SPRY3: variants seen among roughly 807,000 people sequenced by gnomAD.
The protein encoded by SPRY3 is protein sprouty homolog 3.
In SPRY3, 15 loss-of-function variants were observed where a neutral mutation model predicts 20.2. That is an observed-to-expected ratio of 0.74 (90% CI 0.50 to 1.14). The LOEUF (loss-of-function observed/expected upper bound fraction) is 1.14. Ranked by LOEUF, SPRY3 falls within the 50% of genes most tolerant of loss-of-function variation. The pLI is 0.00. For synonymous variants in SPRY3, 143 were observed against 136.5 expected (o/e 1.05, Z -0.33); for missense variants, 364 against 363.9 (o/e 1.00, Z 0.00).
At chrX:155,721,472 T>G (rs886682202) in intron 2 of SPRY3, among the ~76,000 whole-genome samples, 3 of 151,940 alleles carry the variant, frequency 2.0e-5, no homozygotes, top group African/African-American at 4.8e-5. Context: ...CCCAGAAGAT[T>G]TAACCCAAAG....
chrX:155,696,256 C>CAG (rs1217974455), intron 2 of SPRY3, among the ~76,000 whole-genome samples: 119 of 103,365 alleles, frequency 1.2e-3, no homozygotes, highest in East Asian at 4.8e-3. Flanking sequence ...CATATATATA[C>CAG]AGAGAGAGAG....
chrX:155,686,214 C>A (rs1196764600), intron 2 of SPRY3, among the ~76,000 whole-genome samples: 1 of 111,070 alleles, frequency 9.0e-6, no homozygotes, highest in African/African-American at 3.3e-5. Flanking sequence ...AGATAATTTT[C>A]ATAATACTTT....
intron 2 of SPRY3, among the ~76,000 whole-genome samples, chrX:155,695,890 T>C (rs1156769490): frequency 9.0e-6 from 1 of 111,286 alleles, no homozygotes; most frequent in Admixed American, 9.7e-5. Flanking sequence ...TTATAATAGC[T>C]GCTTTAAAGT....
chrX:155,724,042 T>A (rs1473043110), intron 2 of SPRY3, among the ~76,000 whole-genome samples: 1 of 152,124 alleles, frequency 6.6e-6, no homozygotes, highest in African/African-American at 2.4e-5. Context: ...TAGATAGGGA[T>A]TCCTTTCCCC....
At chrX:155,705,884 A>G (rs2090947260) in intron 2 of SPRY3, among the ~76,000 whole-genome samples, 1 of 151,370 alleles carries the variant, frequency 6.6e-6, no homozygotes, top group African/African-American at 2.4e-5. Flanking sequence ...AGCACTTTAA[A>G]TTACTGAAAT....
intron 2 of SPRY3, among the ~76,000 whole-genome samples, chrX:155,765,658 G>T (rs768518230): frequency 6.6e-6 from 1 of 152,236 alleles, no homozygotes; most frequent in South Asian, 2.1e-4. Context: ...AGGTAAGAAG[G>T]CTGAATAATC....
At chrX:155,774,492 T>C (rs1400655906) in exon 4 of SPRY3, 1 of 1,614,026 alleles carries the variant, frequency 6.2e-7, no homozygotes, top group Non-Finnish European at 8.5e-7. Context: ...ACAACTGTGC[T>C]GATGAGCCCT....
intron 1 of SPRY3, among the ~76,000 whole-genome samples, chrX:155,656,711 G>T (rs782687844): frequency 7.2e-5 from 8 of 111,424 alleles, no homozygotes; most frequent in Non-Finnish European, 1.3e-4. Flanking sequence ...TTTTACGCTG[G>T]TTTTTTTCTC....
At position 155,618,108 on chromosome X, in the gene SPRY3, C is replaced by T. The variant is rs190171316; in HGVS notation, c.-441+5461C>T. 1.2e-4 allele frequency among the ~76,000 whole-genome samples: 13 copies of T among 112,027 alleles called. No homozygotes were observed. In the East Asian group the frequency reaches 3.6e-3, roughly 31 times the overall value. ...TATGTGTAACTTTGTATAATGACGA[C>T]CACAATTAAAATGTAGAACATTTCC... On this transcript the variant is annotated intron_variant, in intron 1 of 3. Transcript: ENST00000675360.
intron 2 of SPRY3, among the ~76,000 whole-genome samples, chrX:155,705,495 G>T (rs914910414): frequency 6.6e-6 from 1 of 151,286 alleles, no homozygotes; most frequent in Non-Finnish European, 1.5e-5. Context: ...GAAAATGGTA[G>T]ATTTTAATCC....
chrX:155,688,837 G>A (rs146544057), intron 2 of SPRY3, among the ~76,000 whole-genome samples: 948 of 64,930 alleles, frequency 0.015, 255 homozygotes, highest in African/African-American at 0.083. Flanking sequence ...GCCCTCCTCC[G>A]ACAGGCCCCA....
At chrX:155,728,533 C>G (rs1036509760) in intron 2 of SPRY3, among the ~76,000 whole-genome samples, 4 of 152,212 alleles carry the variant, frequency 2.6e-5, no homozygotes, top group Admixed American at 6.5e-5. Flanking sequence ...CGCCCCTCCC[C>G]CTCCAGGCTG....
At chrX:155,725,030 G>C (rs1225175942) in intron 2 of SPRY3, among the ~76,000 whole-genome samples, 2 of 152,068 alleles carry the variant, frequency 1.3e-5, no homozygotes, top group Non-Finnish European at 2.9e-5. Context: ...TAGCATGAAG[G>C]GCTGTTGAAT....
intron 2 of SPRY3, among the ~76,000 whole-genome samples, chrX:155,704,882 A>G (rs976606753): frequency 6.6e-6 from 1 of 151,630 alleles, no homozygotes; most frequent in African/African-American, 2.4e-5. Flanking sequence ...TAGAAAGAAT[A>G]ATTTGTCAAC....
intron 2 of SPRY3, among the ~76,000 whole-genome samples, chrX:155,694,193 G>A (rs1005860668): frequency 9.0e-6 from 1 of 111,032 alleles, no homozygotes; most frequent in Non-Finnish European, 1.9e-5. Context: ...CTGTTTTATT[G>A]TTCCTCCATT....
chrX:155,640,528 C>T, intron 1 of SPRY3, among the ~76,000 whole-genome samples: 1 of 111,591 alleles, frequency 9.0e-6, no homozygotes, highest in African/African-American at 3.2e-5. Flanking sequence ...GTAGTATGAA[C>T]ATATTAATAA....
chrX:155,739,429 C>T (rs191554151), intron 2 of SPRY3, among the ~76,000 whole-genome samples: 2 of 152,312 alleles, frequency 1.3e-5, no homozygotes, highest in African/African-American at 2.4e-5. Flanking sequence ...GAAGGATTCC[C>T]CCTAGTGCAG....
chrX:155,669,815 G>A (rs1452087226), intron 2 of SPRY3: 2 of 110,819 alleles, frequency 1.8e-5, no homozygotes, highest in Admixed American at 1.9e-4. Flanking sequence ...TCTTGTGGCT[G>A]GTCTGAGGTT....
chrX:155,751,639 T>C (rs372668154), intron 2 of SPRY3, among the ~76,000 whole-genome samples: 171 of 151,966 alleles, frequency 1.1e-3, no homozygotes, highest in African/African-American at 3.9e-3. Context: ...AGAAAGGCTA[T>C]ACATGATATG....
Sources: allele counts gnomAD v4.1 joint callset (sites outside exome capture counted in the v4.1 genomes callset), GRCh38; gene constraint gnomAD v4.1.1; transcripts MANE v1.5; gene names NCBI Gene and HGNC (gene_info 2026-07-23, HGNC 2026-07-21).